The following EPHB1 variants were observed in gnomAD, a reference collection of about 807,000 sequenced individuals.
EPHB1 encodes ephrin type-B receptor 1.
Under a neutral mutation model 94.4 loss-of-function variants are expected in EPHB1, and 30 were observed. The observed-to-expected ratio is 0.32, with a 90% confidence interval of 0.24 to 0.43. The LOEUF (loss-of-function observed/expected upper bound fraction) is 0.43, where lower values mean the gene tolerates loss of function less well. Ranked by LOEUF, EPHB1 falls within the 20% of genes least tolerant of loss-of-function variation. The probability of loss-of-function intolerance (pLI) is 1.00; values close to 1 mark genes in which losing one functional copy is unlikely to be tolerated. For missense variants in EPHB1, 1,055 were observed against 1,308.3 expected (o/e 0.81, Z 2.99); for synonymous variants, 522 against 489.1 (o/e 1.07, Z -0.89).
At chr3:135,124,295 C>A (rs1408601627) in intron 4 of EPHB1, among the ~76,000 whole-genome samples, 1 of 151,700 alleles carries the variant, frequency 6.6e-6, no homozygotes, top group African/African-American at 2.4e-5. Flanking sequence ...CCTCACCACA[C>A]CAGCATGCTG....
intron 1 of EPHB1, among the ~76,000 whole-genome samples, chr3:134,806,190 G>A (rs185818523): frequency 6.6e-6 from 1 of 152,112 alleles, no homozygotes; most frequent in South Asian, 2.1e-4. Flanking sequence ...TTTGAATATG[G>A]ATTGGCCTTA....
chr3:134,937,977 G>T (rs1266579138), intron 2 of EPHB1, among the ~76,000 whole-genome samples: 1 of 150,298 alleles, frequency 6.7e-6, no homozygotes, highest in Non-Finnish European at 1.5e-5. Flanking sequence ...GGGCTGGCTG[G>T]TGGGGTGGGC....
intron 1 of EPHB1, among the ~76,000 whole-genome samples, chr3:134,876,285 A>G (rs1171848005): frequency 6.6e-6 from 1 of 152,154 alleles, no homozygotes; most frequent in Non-Finnish European, 1.5e-5. Flanking sequence ...CATCTCCAAG[A>G]TGTCCTTTCT....
chr3:134,795,784 C>A, intron 1 of EPHB1, 95 bp downstream of exon 1: 1 of 1,357,668 alleles, frequency 7.4e-7, no homozygotes, highest in Non-Finnish European at 1.0e-6. Flanking sequence ...GGCTGCTTTG[C>A]GGTGCAGGCA....
At chr3:134,903,376 G>A (rs2038245281) in intron 1 of EPHB1, among the ~76,000 whole-genome samples, 1 of 152,234 alleles carries the variant, frequency 6.6e-6, no homozygotes, top group Non-Finnish European at 1.5e-5. Flanking sequence ...GAATGAGAGA[G>A]GCTGACTCTT....
chr3:135,204,525 G>C (rs1003427497), intron 12 of EPHB1, among the ~76,000 whole-genome samples: 4 of 151,176 alleles, frequency 2.6e-5, no homozygotes, highest in African/African-American at 7.3e-5. Flanking sequence ...ATTTTTTTGA[G>C]ACAGAGTCTT....
chr3:135,182,968 CTCT>C (rs1942197336), intron 10 of EPHB1, among the ~76,000 whole-genome samples: 1 of 146,896 alleles, frequency 6.8e-6, no homozygotes, highest in African/African-American at 2.5e-5. Context: ...CGTTTCTTTT[CTCT>C]TTTCTTTTCT....
At chr3:135,201,883 A>G (rs1280260882) in intron 12 of EPHB1, among the ~76,000 whole-genome samples, 194 bp downstream of exon 12, 1 of 152,166 alleles carries the variant, frequency 6.6e-6, no homozygotes, top group Non-Finnish European at 1.5e-5. Flanking sequence ...CAAGAAAGCA[A>G]GCATTTGGGC....
intron 1 of EPHB1, among the ~76,000 whole-genome samples, chr3:134,911,478 G>A (rs757453239): frequency 1.3e-5 from 2 of 152,136 alleles, no homozygotes; most frequent in Non-Finnish European, 2.9e-5. Context: ...GTGGAGTCAG[G>A]GTATGATGTG....
Position 135,106,707 on chromosome 3 carries a change from G to A in EPHB1, c.961+104G>A. 4 of 1,440,892 alleles carry A rather than the reference G, an allele frequency of 2.8e-6. No homozygotes were observed. In the South Asian group the frequency reaches 5.1e-5, roughly 18 times the overall value. 89.3% of individuals were successfully genotyped at this position (1,440,892 alleles called of 1,614,324 possible). On this transcript the variant is annotated intron_variant, in intron 4 of 15. Coordinates refer to ENST00000398015, the MANE Select transcript of EPHB1 (RefSeq NM_004441.5). ...GAAGACATCATCCTTTGATCCCAGG[G>A]CAAAGCAGAATTGCTGGCCATGGTG...
chr3:135,003,424 A>C (rs1388936506), intron 3 of EPHB1, among the ~76,000 whole-genome samples: 2 of 148,574 alleles, frequency 1.3e-5, no homozygotes, highest in Admixed American at 6.7e-5. Context: ...GCTGAAAAAA[A>C]TGTATATTCT....
intron 3 of EPHB1, among the ~76,000 whole-genome samples, chr3:135,076,234 G>GATATATATATATATATATATATAT (rs60727518): frequency 1.5e-5 from 2 of 131,174 alleles, no homozygotes; most frequent in African/African-American, 7.4e-5. Flanking sequence ...TCTGAAAAGG[G>GATATATATATATATATATATATAT]ATATATATAT....
At chr3:134,821,028 T>A (rs1480584438) in intron 1 of EPHB1, among the ~76,000 whole-genome samples, 1 of 152,168 alleles carries the variant, frequency 6.6e-6, no homozygotes, top group African/African-American at 2.4e-5. Flanking sequence ...TCAGAGGGCC[T>A]GAGAATCATG....
At chr3:134,908,278 A>G (rs535619567) in intron 1 of EPHB1, among the ~76,000 whole-genome samples, 2 of 152,256 alleles carry the variant, frequency 1.3e-5, no homozygotes, top group South Asian at 2.1e-4. Flanking sequence ...CCCAACAAAC[A>G]TGAGGGCTGG....
At chr3:135,212,025 T>C (rs950719643) in intron 12 of EPHB1, among the ~76,000 whole-genome samples, 4 of 152,232 alleles carry the variant, frequency 2.6e-5, no homozygotes, top group Non-Finnish European at 5.9e-5. Context: ...TTATTTTCCC[T>C]GATTTTTTCT....
rs548678950 is a variant in EPHB1, at chr3:135,057,833, G to A, written c.806-48615G>A. Among the ~76,000 whole-genome samples the A allele has an allele frequency of 1.4e-4, 21 of 152,314 alleles. 1 individual carries two copies. In the East Asian group the frequency reaches 1.5e-3, roughly 11 times the overall value. On this transcript the variant is annotated intron_variant, in intron 3 of 15. Transcript: ENST00000398015. Reference sequence around the variant, plus strand: ...GAAAGTCTCAGAAAACCTAGCCAGCGGGATTGAGCCTCCACCTGCTCAGGC... The same window carrying A: ...GAAAGTCTCAGAAAACCTAGCCAGCAGGATTGAGCCTCCACCTGCTCAGGC...
intron 1 of EPHB1, among the ~76,000 whole-genome samples, chr3:134,888,440 T>C (rs943682675): frequency 5.3e-5 from 8 of 152,184 alleles, no homozygotes; most frequent in Non-Finnish European, 1.2e-4. Flanking sequence ...CCGGGTGTGG[T>C]GGCTCACGCC....
At chr3:134,967,946 G>A (rs1933826611) in intron 3 of EPHB1, among the ~76,000 whole-genome samples, 1 of 152,210 alleles carries the variant, frequency 6.6e-6, no homozygotes. Flanking sequence ...ACACACAGGT[G>A]TGTTTCCCTG....
chr3:134,828,957 T>C (rs1241775102), intron 1 of EPHB1, among the ~76,000 whole-genome samples: 1 of 152,190 alleles, frequency 6.6e-6, no homozygotes, highest in Non-Finnish European at 1.5e-5. Flanking sequence ...TGGAGGAAGC[T>C]GGCAGGGTTG....
Sources: allele counts gnomAD v4.1 joint callset (sites outside exome capture counted in the v4.1 genomes callset), GRCh38; gene constraint gnomAD v4.1.1; transcripts MANE v1.5; gene names NCBI Gene and HGNC (gene_info 2026-07-23, HGNC 2026-07-21).